ZNF696: variants seen among roughly 807,000 people sequenced by gnomAD.
The protein encoded by ZNF696 is zinc finger protein 696.
Under a neutral mutation model 12.3 loss-of-function variants are expected in ZNF696, and 10 were observed. The observed-to-expected ratio is 0.81, with a 90% CI of 0.50 to 1.38. ZNF696 has a LOEUF of 1.38. ZNF696 is among the 40% of genes most tolerant of loss of function. ZNF696 has a pLI of 0.00. For missense variants in ZNF696, 675 were observed against 554.7 expected (o/e 1.22, Z -2.18); for synonymous variants, 304 against 243.9 (o/e 1.25, Z -2.29).
At position 143,295,944 on chromosome 8, in the gene ZNF696, C is replaced by T. The variant is rs1185498083; in HGVS notation, c.269C>T (p.Pro90Leu). Reference sequence around the variant, plus strand: ...AGGCCCGGAGGTTCCCCTCGAGGCCCGGTCACTTCTGAGAAAACTGGAGGA... The same window carrying T: ...AGGCCCGGAGGTTCCCCTCGAGGCCTGGTCACTTCTGAGAAAACTGGAGGA... ...RERPGGSPRGPVTSEKTGGQS... is the reference protein window; with the variant it reads ...RERPGGSPRGLVTSEKTGGQS... The change falls in exon 3 of 3, where the codon CCG becomes CTG. Residue 90 changes from proline to leucine, a missense_variant. Coordinates refer to ENST00000330143, the MANE Select transcript of ZNF696 (RefSeq NM_030895.3). 10 of 1,565,410 alleles carry T rather than the reference C, an allele frequency of 6.4e-6. No homozygotes were observed. The highest frequency in any genetic ancestry group is 6.1e-6 in the Non-Finnish European group (7 of 1,155,048).
chr8:143,296,264 C>T lies in ZNF696; in HGVS notation c.589C>T (p.Leu197Phe), dbSNP rs781179297. 24 of 1,597,700 alleles carry T rather than the reference C, an allele frequency of 1.5e-5. No homozygotes were observed. Among genetic ancestry groups the T allele is most frequent in the Middle Eastern group, 3.3e-4 (2 of 6,050 alleles). The change falls in exon 3 of 3, where the codon CTC becomes TTC. Residue 197 changes from leucine to phenylalanine, a missense_variant. Transcript: ENST00000330143. ...GGCCTTCGGCCAGAGCTTCAACCTCCTCCGGCACCAGCGCGTGCACACGGG... is the reference window on the plus strand; with the variant it reads ...GGCCTTCGGCCAGAGCTTCAACCTCTTCCGGCACCAGCGCGTGCACACGGG... Reference protein sequence around the residue: ...GKAFGQSFNLLRHQRVHTGEK... With the variant: ...GKAFGQSFNLFRHQRVHTGEK...
chr8:143,295,509 G>C, intron 2 of ZNF696: 1 of 695,186 alleles, frequency 1.4e-6, no homozygotes, highest in Non-Finnish European at 2.6e-6. Flanking sequence ...CCCCGTTTCT[G>C]GAGTGGCAGT....
rs570903385 is a variant in ZNF696 at position 143,298,036 on chromosome 8, G to A, written c.*1236G>A. 16 of 152,256 alleles carry A rather than the reference G, an allele frequency of 1.1e-4. No individual in the cohort carries two copies. In the East Asian group the frequency reaches 1.9e-3, roughly 18 times the overall value. 9.4% of individuals were successfully genotyped at this position (152,256 alleles called of 1,614,324 possible). On this transcript the variant is annotated 3_prime_UTR_variant, in exon 3 of 3. Transcript: ENST00000330143. ...CTCTTTGGGGAGCGTTTTTGGGGGC[G>A]TATAGTAAAGCTCTGTCATCATGAA... is the stretch of plus-strand genomic sequence containing the variant.
At chr8:143,294,631 GC>G (rs1265157380) in intron 2 of ZNF696, among the ~76,000 whole-genome samples, 3 of 152,108 alleles carry the variant, frequency 2.0e-5, no homozygotes, top group Non-Finnish European at 4.4e-5. Flanking sequence ...CTCCCAAAGT[GC>G]TGGGATTACA....
In ZNF696 at chr8:143,298,400, G is replaced by A. The variant is rs2129747100; in HGVS notation, c.*1600G>A. Reference sequence around the variant, plus strand: ...TAAGCTCCTGACCCCTGGGCCGGTGGTGAGGTGGGAAGATGAGCCTGTGTC... The same window carrying A: ...TAAGCTCCTGACCCCTGGGCCGGTGATGAGGTGGGAAGATGAGCCTGTGTC... On this transcript the variant is annotated 3_prime_UTR_variant, in exon 3 of 3. Transcript: ENST00000330143. 6.6e-6 allele frequency among the ~76,000 whole-genome samples: 1 copy of A among 152,274 alleles called. No individual in the cohort carries two copies. The highest frequency in any genetic ancestry group is 1.9e-4 in the East Asian group (1 of 5,182).
Position 143,297,837 on chromosome 8 carries a change from G to A in ZNF696, c.*1037G>A, listed in dbSNP as rs1406210817. On this transcript the variant is annotated 3_prime_UTR_variant, in exon 3 of 3. Coordinates refer to ENST00000330143, the MANE Select transcript of ZNF696 (RefSeq NM_030895.3). ...TCGCGTTGGTGTCTGAGAGGGAGTT[G>A]GAGAGCTGGTTGGTGTGGAGGGAAA... 1 of 152,230 alleles carries A rather than the reference G, an allele frequency of 6.6e-6. No homozygotes were observed. The highest frequency in any genetic ancestry group is 1.5e-5 in the Non-Finnish European group (1 of 68,054). The allele number at this position is 152,230 out of a possible 1,614,324, so 9.4% of individuals were successfully genotyped here.
At chr8:143,295,641 C>A (rs1265093842) in intron 2 of ZNF696, 99 bp from the exon 3 acceptor site, 1 of 1,291,314 alleles carries the variant, frequency 7.7e-7, no homozygotes, top group Non-Finnish European at 1.0e-6. Flanking sequence ...ACACTGACGT[C>A]ACCATCACTG....
rs1228213261 is a variant in ZNF696 at position 143,296,247 on chromosome 8, G to A, written c.572G>A (p.Gly191Asp). 1.3e-6 allele frequency: 2 copies of A among 1,596,970 alleles called. No homozygotes were observed. Among genetic ancestry groups the A allele is most frequent in the Admixed American group, 1.7e-5 (1 of 58,948 alleles). ...YACAECGKAF[G>D]QSFNLLRHQR... ...TGCGCCGAGTGCGGCAAGGCCTTCGGCCAGAGCTTCAACCTCCTCCGGCAC... is the reference window on the plus strand; with the variant it reads ...TGCGCCGAGTGCGGCAAGGCCTTCGACCAGAGCTTCAACCTCCTCCGGCAC... Residue 191 changes from glycine (G) to aspartate (D), a missense_variant, in exon 3 of 3, where the codon GGC becomes GAC. Transcript: ENST00000330143.
At position 143,291,512 on chromosome 8, in the gene ZNF696, G is replaced by C; in HGVS notation, c.-286G>C. 1 of 984,396 alleles carries C rather than the reference G, an allele frequency of 1.0e-6. No individual in the cohort carries two copies. The highest frequency in any genetic ancestry group is 1.2e-6 in the Non-Finnish European group (1 of 828,984). The allele number at this position is 984,396 out of a possible 1,614,324, so 61.0% of individuals were successfully genotyped here. On this transcript the variant is annotated 5_prime_UTR_variant, in exon 1 of 3. Transcript: ENST00000330143. ...GGGCTGAGGGCGCGGCCGAGAGAAC[G>C]GGGCGGTCACCGCCGCCGTGGCCCG... is the stretch of plus-strand genomic sequence containing the variant.
At chr8:143,294,205 T>C (rs1815670267) in intron 2 of ZNF696, among the ~76,000 whole-genome samples, 1 of 152,160 alleles carries the variant, frequency 6.6e-6, no homozygotes, top group African/African-American at 2.4e-5. Context: ...TTTTTCTAAA[T>C]GGCCACATGG....
chr8:143,296,725 C>G lies in ZNF696; in HGVS notation c.1050C>G (p.Arg350=), dbSNP rs765024142. The change falls in exon 3 of 3, where the codon CGC becomes CGG. Residue 350 remains arginine (R), a synonymous_variant. Coordinates refer to ENST00000330143, the MANE Select transcript of ZNF696 (RefSeq NM_030895.3). ...TCCACACGGGCGAGAAGCCGTTCCG[C>G]TGCACCGAGTGCGGCCGCGCCTTCC... ...QRLHTGEKPF[R]CTECGRAFRL... 2.0e-6 allele frequency: 3 copies of G among 1,537,224 alleles called. No homozygotes were observed. In the South Asian group the frequency reaches 3.6e-5, roughly 19 times the overall value.
At chr8:143,292,886 C>G in intron 1 of ZNF696, 86 bp from the exon 2 acceptor site, 1 of 1,191,988 alleles carries the variant, frequency 8.4e-7, no homozygotes, top group Non-Finnish European at 1.2e-6. Flanking sequence ...TGACAGTTTC[C>G]TCTGAAGGCA....
Position 143,296,894 on chromosome 8 carries a change from T to A in ZNF696, c.*94T>A. 2.5e-6 allele frequency: 3 copies of A among 1,179,026 alleles called. No homozygotes were observed. The highest frequency in any genetic ancestry group is 3.3e-6 in the Non-Finnish European group (3 of 911,356). The allele number at this position is 1,179,026 out of a possible 1,614,324, so 73.0% of individuals were successfully genotyped here. A position where few individuals can be genotyped will look rare whatever the true frequency, so the allele number is the denominator to read the frequency against. On this transcript the variant is annotated 3_prime_UTR_variant, in exon 3 of 3. Coordinates refer to ENST00000330143, the MANE Select transcript of ZNF696 (RefSeq NM_030895.3). ...GTCCGCCCCGTGCGCGGTGAGGAAG[T>A]AACAGCCGGCTGCGCGCCTGGTTCT... is the stretch of plus-strand genomic sequence containing the variant.
In ZNF696 at chr8:143,296,548, G is replaced by T; in HGVS notation, c.873G>T (p.Arg291=). 6.2e-7 allele frequency: 1 copy of T among 1,600,944 alleles called. No homozygotes were observed. ...ACCAGCGCGTGCACACGGGGGAGCG[G>T]CCCTTCGCCTGCCAGGACTGCGGCC... ...LQHQRVHTGE[R]PFACQDCGRA... Residue 291 remains arginine, a synonymous_variant, in exon 3 of 3, where the codon CGG becomes CGT. Coordinates refer to ENST00000330143, the MANE Select transcript of ZNF696 (RefSeq NM_030895.3).
At chr8:143,291,995 A>G (rs150640193) in intron 1 of ZNF696, 194 of 166,960 alleles carry the variant, frequency 1.2e-3, no homozygotes, top group African/African-American at 4.5e-3. Context: ...GTCTCACTCC[A>G]ACGCCCAGCT....
At chr8:143,291,833 A>G (rs2129727657) in intron 1 of ZNF696, 66 bp downstream of exon 1, 1 of 977,120 alleles carries the variant, frequency 1.0e-6, no homozygotes, top group Non-Finnish European at 1.2e-6. Flanking sequence ...TTTTTGTAAA[A>G]GCGGCGGGGT....
Position 143,296,206 on chromosome 8 carries a change from G to C in ZNF696, c.531G>C (p.Gly177=), listed in dbSNP as rs781332118. Residue 177 remains glycine (G), a synonymous_variant, in exon 3 of 3, where the codon GGG becomes GGC. Transcript: ENST00000330143. ...HVVRHQRAHS[G]ERPYACAECG... is the part of the protein sequence containing the mutation. ...TCCGGCACCAGCGGGCGCACAGCGG[G>C]GAGAGGCCCTACGCGTGCGCCGAGT... 4 of 1,596,074 alleles carry C rather than the reference G, an allele frequency of 2.5e-6. No individual in the cohort carries two copies. Among genetic ancestry groups the C allele is most frequent in the Admixed American group, 1.7e-5 (1 of 58,388 alleles).
In ZNF696 at chr8:143,296,594, T is replaced by G. The variant is rs566213035; in HGVS notation, c.919T>G (p.Phe307Val). ...CGGCCGCGCCTTCAGCCGCAGCTCC[T>G]TCCTCCGCGAGCACCGCCGCATCCA... ...DCGRAFSRSS[F>V]LREHRRIHTG... The change falls in exon 3 of 3, where the codon TTC (phenylalanine) becomes GTC (valine). Residue 307 changes from phenylalanine to valine, a missense_variant. Transcript: ENST00000330143. 1 of 1,578,472 alleles carries G rather than the reference T, an allele frequency of 6.3e-7. No individual in the cohort carries two copies. Among genetic ancestry groups the G allele is most frequent in the Admixed American group, 1.7e-5 (1 of 57,770 alleles).
chr8:143,296,468 T>A lies in ZNF696; in HGVS notation c.793T>A (p.Tyr265Asn). The A allele has an allele frequency of 1.2e-6, 2 of 1,607,888 alleles. No individual in the cohort carries two copies. Among genetic ancestry groups the A allele is most frequent in the Non-Finnish European group, 1.7e-6 (2 of 1,178,930 alleles). Residue 265 changes from tyrosine (Y) to asparagine (N), a missense_variant, in exon 3 of 3, where the codon TAC becomes AAC. By Grantham distance (143) the Tyr-to-Asn change is moderately radical (BLOSUM62 -2). Coordinates refer to ENST00000330143, the MANE Select transcript of ZNF696 (RefSeq NM_030895.3). Reference sequence around the variant, plus strand: ...GCGGACCCACCACGGGGAGAACCCGTACGAGTGCCGGGAGTGCGGCCAGGC... The same window carrying A: ...GCGGACCCACCACGGGGAGAACCCGAACGAGTGCCGGGAGTGCGGCCAGGC... ...HRRTHHGENP[Y>N]ECRECGQAFS...
Sources: gnomAD v4.1 joint callset for allele counts (sites outside exome capture counted in the v4.1 genomes callset) on GRCh38, gnomAD v4.1.1 for gene constraint, MANE v1.5 for transcripts, NCBI Gene and HGNC (gene_info 2026-07-23, HGNC 2026-07-21) for gene names.